GALNT14: variants seen among roughly 807,000 people sequenced by gnomAD.
GALNT14 encodes the protein polypeptide N-acetylgalactosaminyltransferase 14.
In GALNT14, 60 loss-of-function variants were observed where a neutral mutation model predicts 77.5. That is an observed-to-expected ratio of 0.77 (90% confidence interval 0.63 to 0.96). GALNT14 has a LOEUF of 0.96. Among genes scored for constraint, GALNT14 ranks in the 40% least tolerant of loss-of-function variants. GALNT14 has a pLI of 0.00. For synonymous variants in GALNT14, 280 were observed against 281.7 expected (o/e 0.99, Z 0.06); for missense variants, 710 against 731.0 (o/e 0.97, Z 0.33).
At chr2:31,087,066 G>C (rs1176651134) in intron 1 of GALNT14, among the ~76,000 whole-genome samples, 1 of 152,164 alleles carries the variant, frequency 6.6e-6, no homozygotes, top group Non-Finnish European at 1.5e-5. Flanking sequence ...GCTTCTCTGG[G>C]ATAGTAACAT....
At chr2:30,972,631 G>C (rs1185054758) in intron 2 of GALNT14, among the ~76,000 whole-genome samples, 1 of 152,230 alleles carries the variant, frequency 6.6e-6, no homozygotes, top group Non-Finnish European at 1.5e-5. Context: ...CTGGACTCCA[G>C]CGTCCTCGTC....
At chr2:31,004,861 T>C (rs1670573228) in intron 1 of GALNT14, among the ~76,000 whole-genome samples, 2 of 152,168 alleles carry the variant, frequency 1.3e-5, no homozygotes, top group Non-Finnish European at 2.9e-5. Flanking sequence ...CCATAAGAAA[T>C]AGCTACAGGG....
intron 1 of GALNT14, among the ~76,000 whole-genome samples, chr2:31,056,426 A>G (rs1674211521): frequency 1.3e-5 from 2 of 152,174 alleles, no homozygotes; most frequent in Non-Finnish European, 2.9e-5. Flanking sequence ...TCTCAGGCGT[A>G]CTCCTGGAGG....
In GALNT14 at chr2:30,945,793, CTCCGAGGCAG is replaced by C; in HGVS notation, c.722_731del (p.Ser241CysfsTer37). Reference sequence around the variant, plus strand: ...GTTAGCCCAACTCACCCCCTCTGAGCTCCGAGGCAGACTCGATGTAGGTGAAGGTGTCCAG... The same window carrying C: ...GTTAGCCCAACTCACCCCCTCTGAGCACTCGATGTAGGTGAAGGTGTCCAG... On this transcript the variant is annotated frameshift_variant, in exon 7 of 15. Transcript: ENST00000349752. LOFTEE classifies it high-confidence loss of function. 1 of 1,614,102 alleles carries C rather than the reference CTCCGAGGCAG, an allele frequency of 6.2e-7. No homozygotes were observed. Among genetic ancestry groups the C allele is most frequent in the Non-Finnish European group, 8.5e-7 (1 of 1,179,938 alleles).
chr2:31,025,070 T>TAATAGTTATTAAGAC (rs1279305253), intron 1 of GALNT14, among the ~76,000 whole-genome samples: 1 of 152,246 alleles, frequency 6.6e-6, no homozygotes, highest in Non-Finnish European at 1.5e-5. Flanking sequence ...TATTAAGTTA[T>TAATAGTTATTAAGAC]AATAGTTATT....
intron 9 of GALNT14, among the ~76,000 whole-genome samples, chr2:30,932,669 G>T (rs935766497): frequency 6.6e-6 from 1 of 152,222 alleles, no homozygotes; most frequent in Non-Finnish European, 1.5e-5. Context: ...GGGACAAGGT[G>T]ACCATTGTGA....
intron 1 of GALNT14, among the ~76,000 whole-genome samples, chr2:31,092,092 C>T (rs1302499206): frequency 6.6e-6 from 1 of 152,090 alleles, no homozygotes; most frequent in Non-Finnish European, 1.5e-5. Context: ...ACCAGTGGTT[C>T]GCCTGGAGCT....
intron 13 of GALNT14, among the ~76,000 whole-genome samples, chr2:30,920,177 C>T (rs998972040): frequency 2.0e-5 from 3 of 152,254 alleles, no homozygotes; most frequent in Admixed American, 6.5e-5. Context: ...CTATGATATG[C>T]GGCCAGATTC....
chr2:31,120,174 A>T lies in GALNT14; in HGVS notation c.129+17784T>A, dbSNP rs868556190. 9.4e-5 allele frequency among the ~76,000 whole-genome samples: 7 copies of T among 74,804 alleles called. 1 individual carries two copies. Among genetic ancestry groups the T allele is most frequent in the African/African-American group, 1.6e-4 (5 of 30,572 alleles). The allele number at this position is 74,804 out of a possible 152,430, so 49.1% of individuals were successfully genotyped here. A position where few individuals can be genotyped will look rare whatever the true frequency, so the allele number is the denominator to read the frequency against. On this transcript the variant is annotated intron_variant, in intron 1 of 14. Transcript: ENST00000349752. ...CCGTCTCAAAAAAAAAAAAAAAAAA[A>T]AAAAATAATGAGCTAGCTGACCAGT...
intron 13 of GALNT14, among the ~76,000 whole-genome samples, chr2:30,913,924 C>A (rs1481849597): frequency 6.6e-6 from 1 of 152,180 alleles, no homozygotes. Flanking sequence ...TCATGAGATA[C>A]ATTCCTTGGG....
At chr2:31,052,724 T>A (rs1323820189) in intron 1 of GALNT14, among the ~76,000 whole-genome samples, 2 of 152,166 alleles carry the variant, frequency 1.3e-5, no homozygotes, top group African/African-American at 4.8e-5. Flanking sequence ...CAGGGCCTCT[T>A]TGGGAGCTTC....
At chr2:30,958,729 C>T (rs150417083) in intron 3 of GALNT14, among the ~76,000 whole-genome samples, 1 of 152,238 alleles carries the variant, frequency 6.6e-6, no homozygotes, top group African/African-American at 2.4e-5. Context: ...CCTGAAACCC[C>T]ACAGCAAATC....
chr2:30,944,104 G>T (rs1666540743), intron 8 of GALNT14, among the ~76,000 whole-genome samples: 1 of 152,190 alleles, frequency 6.6e-6, no homozygotes, highest in South Asian at 2.1e-4. Context: ...CCCTGCCTGA[G>T]GCAGGCTTGT....
At chr2:31,137,341 TC>T in intron 1 of GALNT14, among the ~76,000 whole-genome samples, 1 of 151,904 alleles carries the variant, frequency 6.6e-6, no homozygotes, top group Non-Finnish European at 1.5e-5. Context: ...TTTCCTCAAC[TC>T]CCCGCCAATA....
At chr2:31,076,385 CCACA>C (rs1015207959) in intron 1 of GALNT14, among the ~76,000 whole-genome samples, 22 of 152,260 alleles carry the variant, frequency 1.4e-4, no homozygotes, top group African/African-American at 5.3e-4. Context: ...ATCCACAGCT[CCACA>C]CTTCAGAACC....
intron 2 of GALNT14, among the ~76,000 whole-genome samples, chr2:30,989,581 T>TATATATATATATATAA (rs1384068782): frequency 3.1e-4 from 33 of 108,168 alleles, no homozygotes; most frequent in Admixed American, 2.5e-3. Context: ...TATATATATA[T>TATATATATATATATAA]AAAAATATAT....
chr2:31,108,969 A>C (rs1233475703), intron 1 of GALNT14, among the ~76,000 whole-genome samples: 3 of 152,204 alleles, frequency 2.0e-5, no homozygotes, highest in Non-Finnish European at 4.4e-5. Context: ...TCCTCTCCCT[A>C]GTCTCAACAT....
intron 1 of GALNT14, among the ~76,000 whole-genome samples, chr2:31,063,450 T>G (rs185694353): frequency 5.7e-4 from 87 of 152,344 alleles, no homozygotes; most frequent in Admixed American, 3.6e-3. Flanking sequence ...CCATGCTGAT[T>G]TGGTTACTGT....
chr2:31,137,910 C>T, intron 1 of GALNT14, 48 bp downstream of exon 1: 1 of 1,567,966 alleles, frequency 6.4e-7, no homozygotes, highest in Non-Finnish European at 8.6e-7. Context: ...GGCTGCGCGC[C>T]CTCCCGCAAG....
Sources: allele counts gnomAD v4.1 joint callset (sites outside exome capture counted in the v4.1 genomes callset), GRCh38; gene constraint gnomAD v4.1.1; transcripts MANE v1.5; gene names NCBI Gene and HGNC (gene_info 2026-07-23, HGNC 2026-07-21).